The following PCDH15 variants were observed in gnomAD, a reference collection of about 807,000 sequenced individuals.
The protein encoded by PCDH15 is protocadherin-15.
In PCDH15, 129 loss-of-function variants were observed where a neutral mutation model predicts 178.5. That is an observed-to-expected ratio of 0.72 (90% CI 0.63 to 0.84). The LOEUF (loss-of-function observed/expected upper bound fraction) is 0.84, where lower values mean the gene tolerates loss of function less well. Among genes scored for constraint, PCDH15 ranks in the 40% least tolerant of loss-of-function variants. The pLI is 0.00. For missense variants in PCDH15, 2,230 were observed against 2,099.9 expected (o/e 1.06, Z -1.21); for synonymous variants, 800 against 732.0 (o/e 1.09, Z -1.50).
At chr10:53,934,000 C>T (rs868529408) in intron 25 of PCDH15, among the ~76,000 whole-genome samples, 11 of 152,020 alleles carry the variant, frequency 7.2e-5, no homozygotes, top group African/African-American at 1.7e-4. Flanking sequence ...TCATGTCCTT[C>T]GCCCACTTTT....
chr10:54,811,492 G>C (rs1310531669), intron 3 of PCDH15, among the ~76,000 whole-genome samples: 1 of 151,866 alleles, frequency 6.6e-6, no homozygotes, highest in African/African-American at 2.4e-5. Flanking sequence ...TATTTTTTGA[G>C]ATGTATTTGT....
chr10:55,123,561 T>G (rs1837824784), intron 2 of PCDH15, among the ~76,000 whole-genome samples: 1 of 152,126 alleles, frequency 6.6e-6, no homozygotes, highest in African/African-American at 2.4e-5. Context: ...CCTTAGAAAC[T>G]GAGGCAAAGC....
chr10:53,889,964 C>T (rs959795004), intron 26 of PCDH15, among the ~76,000 whole-genome samples: 3 of 152,108 alleles, frequency 2.0e-5, no homozygotes, highest in Non-Finnish European at 2.9e-5. Context: ...GTTATTCTTA[C>T]GGGGATGTGG....
chr10:53,828,489 G>T, intron 31 of PCDH15, 76 bp downstream of exon 31: 1 of 1,252,390 alleles, frequency 8.0e-7, no homozygotes, highest in Non-Finnish European at 1.2e-6. Context: ...TGAGCAGGCT[G>T]ACTTGATTGA....
intron 8 of PCDH15, among the ~76,000 whole-genome samples, chr10:54,274,279 A>G (rs538174133): frequency 9.2e-5 from 14 of 152,130 alleles, no homozygotes; most frequent in African/African-American, 2.4e-4. Context: ...TTGTACCCCT[A>G]AACTTAAAAG....
chr10:54,535,861 C>T (rs73258173), intron 2 of PCDH15, among the ~76,000 whole-genome samples: 1 of 151,674 alleles, frequency 6.6e-6, no homozygotes, highest in Non-Finnish European at 1.5e-5. Context: ...TATTATTGTA[C>T]TTTATTTTAT....
At chr10:54,847,634 C>A (rs1200970949) in intron 3 of PCDH15, among the ~76,000 whole-genome samples, 1 of 152,088 alleles carries the variant, frequency 6.6e-6, no homozygotes, top group South Asian at 2.1e-4. Context: ...GTTTTATCTG[C>A]TCTGTGATAA....
At chr10:54,304,676 T>A (rs761463153) in intron 8 of PCDH15, among the ~76,000 whole-genome samples, 1 of 152,074 alleles carries the variant, frequency 6.6e-6, no homozygotes, top group Non-Finnish European at 1.5e-5. Flanking sequence ...TGAACTGATT[T>A]ATGCTTTTAA....
intron 28 of PCDH15, among the ~76,000 whole-genome samples, chr10:53,848,933 T>C (rs1335157150): frequency 1.3e-5 from 2 of 152,110 alleles, no homozygotes; most frequent in Non-Finnish European, 2.9e-5. Flanking sequence ...ACTAAACACA[T>C]AGTGTTTTTA....
intron 1 of PCDH15, among the ~76,000 whole-genome samples, chr10:55,273,164 A>C (rs911557588): frequency 1.1e-4 from 16 of 152,296 alleles, no homozygotes; most frequent in African/African-American, 3.9e-4. Flanking sequence ...ACTTAGAGTG[A>C]GATAGTTTTT....
chr10:55,311,820 C>T (rs1843593085), intron 1 of PCDH15, among the ~76,000 whole-genome samples: 1 of 152,172 alleles, frequency 6.6e-6, no homozygotes, highest in South Asian at 2.1e-4. Flanking sequence ...GACAAGTAGA[C>T]TCCATGTGTG....
chr10:54,703,369 T>A (rs541630029), intron 1 of PCDH15, among the ~76,000 whole-genome samples: 1 of 151,908 alleles, frequency 6.6e-6, no homozygotes, highest in African/African-American at 2.4e-5. Flanking sequence ...GTACTTCAAG[T>A]CCTAGCCAGA....
chr10:55,048,252 T>C (rs1324885234), intron 2 of PCDH15, among the ~76,000 whole-genome samples: 2 of 151,770 alleles, frequency 1.3e-5, no homozygotes, highest in Admixed American at 1.3e-4. Context: ...GAAATAATTA[T>C]ATAAGTCCAG....
At chr10:54,509,865 G>T (rs2081490251) in intron 3 of PCDH15, among the ~76,000 whole-genome samples, 2 of 152,162 alleles carry the variant, frequency 1.3e-5, no homozygotes, top group South Asian at 4.1e-4. Context: ...CAGAGTCTTT[G>T]TTAAAGCTTT....
At chr10:55,542,136 A>ATATATATGTCTATATATGTC (rs779613329) in intron 2 of PCDH15, among the ~76,000 whole-genome samples, 2 of 151,340 alleles carry the variant, frequency 1.3e-5, no homozygotes, top group Non-Finnish European at 3.0e-5. Flanking sequence ...TCAGTATTAT[A>ATATATATGTCTATATATGTC]TATATATGTC....
At chr10:55,403,584 T>C (rs1371738504) in intron 2 of PCDH15, among the ~76,000 whole-genome samples, 2 of 151,992 alleles carry the variant, frequency 1.3e-5, no homozygotes, top group Non-Finnish European at 2.9e-5. Flanking sequence ...TTTGTGCCCA[T>C]TGAGACTCAG....
intron 14 of PCDH15, 92 bp from the exon 15 acceptor site, chr10:54,133,099 G>C: frequency 6.4e-7 from 1 of 1,560,488 alleles, no homozygotes; most frequent in Non-Finnish European, 8.8e-7. Context: ...GGGTTTACAG[G>C]AGAAAAAATT....
chr10:54,216,013 AGCCTGG>A (rs1001470327), intron 9 of PCDH15, among the ~76,000 whole-genome samples: 1 of 59,814 alleles, frequency 1.7e-5, no homozygotes, highest in Non-Finnish European at 4.3e-5. Flanking sequence ...ACTGCACTAC[AGCCTGG>A]GCTACAGAGT....
intron 2 of PCDH15, among the ~76,000 whole-genome samples, chr10:54,986,998 T>C (rs953393006): frequency 3.9e-5 from 6 of 151,964 alleles, no homozygotes; most frequent in Non-Finnish European, 8.8e-5. Flanking sequence ...TAATCAGTCA[T>C]CTAAGTTCCC....
Sources: allele counts gnomAD v4.1 joint callset (sites outside exome capture counted in the v4.1 genomes callset), GRCh38; gene constraint gnomAD v4.1.1; transcripts MANE v1.5; gene names NCBI Gene and HGNC (gene_info 2026-07-23, HGNC 2026-07-21).